MGAT4C: variants seen among roughly 807,000 people sequenced by gnomAD.
The protein encoded by MGAT4C is alpha-1,3-mannosyl-glycoprotein 4-beta-N-acetylglucosaminyltransferase C.
Under a neutral mutation model 40.1 loss-of-function variants are expected in MGAT4C, and 19 were observed. That is an observed-to-expected ratio of 0.47 (90% CI 0.33 to 0.70). The LOEUF is 0.70. MGAT4C is among the 30% of genes least tolerant of loss of function. The pLI is 0.02. For synonymous variants in MGAT4C, 181 were observed against 187.1 expected (o/e 0.97, Z 0.27); for missense variants, 491 against 563.2 (o/e 0.87, Z 1.30).
intron 2 of MGAT4C, among the ~76,000 whole-genome samples, chr12:86,043,048 G>A (rs1281501806): frequency 3.3e-5 from 5 of 152,024 alleles, no homozygotes; most frequent in Non-Finnish European, 5.9e-5. Context: ...ATGACTATGA[G>A]TCTTGGGGAT....
At chr12:86,656,934 C>T (rs1963865280) in intron 2 of MGAT4C, among the ~76,000 whole-genome samples, 1 of 151,922 alleles carries the variant, frequency 6.6e-6, no homozygotes, top group African/African-American at 2.4e-5. Context: ...GAAATATGTT[C>T]AAACATTTTG....
At chr12:86,310,611 C>G (rs1954048481) in intron 4 of MGAT4C, among the ~76,000 whole-genome samples, 1 of 152,104 alleles carries the variant, frequency 6.6e-6, no homozygotes, top group African/African-American at 2.4e-5. Context: ...GGCTACCAGA[C>G]TGCATGCTTA....
chr12:86,153,816 C>A (rs777176076), intron 1 of MGAT4C, among the ~76,000 whole-genome samples: 5 of 152,286 alleles, frequency 3.3e-5, no homozygotes, highest in Non-Finnish European at 4.4e-5. Flanking sequence ...AACTGTGAGT[C>A]AATTAAACCT....
At chr12:86,232,331 T>C (rs1951357404) in intron 1 of MGAT4C, among the ~76,000 whole-genome samples, 1 of 152,174 alleles carries the variant, frequency 6.6e-6, no homozygotes, top group African/African-American at 2.4e-5. Flanking sequence ...TAAGATAACA[T>C]TCACAAAAGA....
intron 1 of MGAT4C, among the ~76,000 whole-genome samples, chr12:86,810,420 TAG>T (rs1263524107): frequency 6.6e-6 from 1 of 151,954 alleles, no homozygotes; most frequent in Non-Finnish European, 1.5e-5. Flanking sequence ...CAATCTCATA[TAG>T]GAGAGCATTC....
chr12:86,825,027 G>A (rs2136230469), intron 1 of MGAT4C, among the ~76,000 whole-genome samples: 1 of 151,378 alleles, frequency 6.6e-6, no homozygotes, highest in Middle Eastern at 3.4e-3. Context: ...GTCAACACGA[G>A]TCAATCAAAA....
At chr12:86,772,860 A>G (rs555192534) in intron 1 of MGAT4C, among the ~76,000 whole-genome samples, 1 of 152,244 alleles carries the variant, frequency 6.6e-6, no homozygotes, top group South Asian at 2.1e-4. Context: ...TCACAGCTGG[A>G]GAGTAATTTT....
intron 2 of MGAT4C, among the ~76,000 whole-genome samples, chr12:86,712,017 C>T (rs938252829): frequency 1.3e-5 from 2 of 152,032 alleles, no homozygotes; most frequent in Admixed American, 1.3e-4. Flanking sequence ...TTGCCATGTG[C>T]TGGTGATGAT....
intron 2 of MGAT4C, among the ~76,000 whole-genome samples, chr12:86,538,578 T>TA (rs1959113725): frequency 6.6e-6 from 1 of 151,724 alleles, no homozygotes; most frequent in South Asian, 2.1e-4. Flanking sequence ...ATATTAACGT[T>TA]ATGGTGTCTG....
At chr12:86,438,247 A>G (rs1162617795) in intron 2 of MGAT4C, among the ~76,000 whole-genome samples, 1 of 151,990 alleles carries the variant, frequency 6.6e-6, no homozygotes, top group Non-Finnish European at 1.5e-5. Flanking sequence ...CAGCCACAAT[A>G]TCCACTTAAG....
intron 2 of MGAT4C, among the ~76,000 whole-genome samples, chr12:86,502,687 C>CAT (rs1374035102): frequency 3.4e-5 from 5 of 145,024 alleles, no homozygotes; most frequent in East Asian, 4.3e-4. Context: ...GAGTTCTGCT[C>CAT]ATATATATAC....
chr12:86,746,511 C>A (rs1357875807), intron 1 of MGAT4C, among the ~76,000 whole-genome samples: 3 of 151,618 alleles, frequency 2.0e-5, no homozygotes, highest in Non-Finnish European at 3.0e-5. Context: ...TTCTGACATA[C>A]AAAAACATCT....
chr12:86,019,184 C>T (rs890488916), intron 2 of MGAT4C, among the ~76,000 whole-genome samples: 4 of 151,844 alleles, frequency 2.6e-5, no homozygotes, highest in Admixed American at 6.6e-5. Context: ...AAGAGAAGAG[C>T]GACAATGATG....
chr12:86,555,884 T>C (rs1391685202), intron 2 of MGAT4C, among the ~76,000 whole-genome samples: 1 of 152,188 alleles, frequency 6.6e-6, no homozygotes, highest in South Asian at 2.1e-4. Flanking sequence ...CTGATTCCTT[T>C]GACTCCCCCT....
chr12:86,354,184 T>A (rs1316099944), intron 3 of MGAT4C, among the ~76,000 whole-genome samples: 2 of 152,130 alleles, frequency 1.3e-5, no homozygotes, highest in Non-Finnish European at 2.9e-5. Context: ...TTATAGTGAA[T>A]AGAAGTTGGG....
intron 3 of MGAT4C, among the ~76,000 whole-genome samples, chr12:86,372,685 A>G (rs1412468247): frequency 2.6e-5 from 4 of 151,916 alleles, no homozygotes; most frequent in Non-Finnish European, 5.9e-5. Flanking sequence ...GTTGCATTTA[A>G]TTAAATATAT....
intron 2 of MGAT4C, among the ~76,000 whole-genome samples, chr12:86,048,245 T>C (rs1240695063): frequency 6.6e-6 from 1 of 151,912 alleles, no homozygotes; most frequent in Non-Finnish European, 1.5e-5. Flanking sequence ...CAGTTATAAG[T>C]GGGGGCTAAA....
intron 1 of MGAT4C, among the ~76,000 whole-genome samples, chr12:86,207,276 C>CT (rs1262025004): frequency 2.0e-5 from 3 of 151,752 alleles, no homozygotes; most frequent in Admixed American, 1.3e-4. Flanking sequence ...TCTGCTTTTT[C>CT]TTTTTTTTAA....
chr12:86,680,337 G>T (rs985334934), intron 2 of MGAT4C, among the ~76,000 whole-genome samples: 2 of 151,876 alleles, frequency 1.3e-5, no homozygotes, highest in Non-Finnish European at 2.9e-5. Flanking sequence ...TATCTCATAA[G>T]ATTATCATAA....
Sources: allele counts gnomAD v4.1 joint callset (sites outside exome capture counted in the v4.1 genomes callset), GRCh38; gene constraint gnomAD v4.1.1; transcripts MANE v1.5; gene names NCBI Gene and HGNC (gene_info 2026-07-23, HGNC 2026-07-21).